The following SLC1A6 variants were observed in gnomAD, a reference collection of about 807,000 sequenced individuals.
SLC1A6 encodes solute carrier family 1 member 6, also known as excitatory amino acid transporter 4.
In SLC1A6, 15 loss-of-function variants were observed where a neutral mutation model predicts 42.1. The observed-to-expected ratio is 0.36, with a 90% CI of 0.24 to 0.55. The LOEUF (loss-of-function observed/expected upper bound fraction) is 0.55, where lower values mean the gene tolerates loss of function less well. Ranked by LOEUF, SLC1A6 falls within the 20% of genes least tolerant of loss-of-function variation. The pLI is 0.88. For missense variants in SLC1A6, 542 were observed against 772.5 expected (o/e 0.70, Z 3.54); for synonymous variants, 317 against 319.7 (o/e 0.99, Z 0.09).
At chr19:14,969,651 C>T (rs1279900822) in intron 3 of SLC1A6, among the ~76,000 whole-genome samples, 5 of 152,176 alleles carry the variant, frequency 3.3e-5, no homozygotes, top group African/African-American at 1.2e-4. Context: ...GCAGATATCC[C>T]CATCTCAGTC....
chr19:14,954,085 A>G, intron 8 of SLC1A6, 50 bp downstream of exon 8: 1 of 1,195,528 alleles, frequency 8.4e-7, no homozygotes, highest in Non-Finnish European at 1.2e-6. Flanking sequence ...AGCCAAGCTG[A>G]TGACCGCTTA....
chr19:14,958,952 G>A (rs376538796), intron 6 of SLC1A6, among the ~76,000 whole-genome samples: 88 of 152,188 alleles, frequency 5.8e-4, no homozygotes, highest in African/African-American at 2.0e-3. Context: ...GTAAAAGTTC[G>A]TCTTCAAAGT....
At chr19:14,978,058 C>T (rs746738842) in intron 1 of SLC1A6, 2 of 152,254 alleles carry the variant, frequency 1.3e-5, no homozygotes, top group Admixed American at 6.5e-5. Context: ...TCTCTCTTCT[C>T]CCCCACCCTG....
At chr19:14,984,902 G>C (rs565543990) in intron 1 of SLC1A6, among the ~76,000 whole-genome samples, 1 of 152,208 alleles carries the variant, frequency 6.6e-6, no homozygotes, top group South Asian at 2.1e-4. Flanking sequence ...TGTTTGTTTA[G>C]ATAGAGTCTC....
rs1415519304 is a variant in SLC1A6, at chr19:14,961,228, A to G, written c.935+774T>C. On this transcript the variant is annotated intron_variant, in intron 6 of 9. Coordinates refer to ENST00000594383, the MANE Select transcript of SLC1A6 (RefSeq NM_005071.3). ...TGCCTAGATCTTAAGTGTTCTCACCACAAAAAAATAAGCATGTGAGGTAAC... is the reference window on the plus strand; with the variant it reads ...TGCCTAGATCTTAAGTGTTCTCACCGCAAAAAAATAAGCATGTGAGGTAAC... 4 of 152,256 alleles carry G rather than the reference A, an allele frequency of 2.6e-5. No individual in the cohort carries two copies. The East Asian group carries it at 7.7e-4, about 29-fold the overall frequency. The allele number at this position is 152,256 out of a possible 1,614,324, so 9.4% of individuals were successfully genotyped here.
chr19:15,009,589 A>T (rs1048629227), intron 1 of SLC1A6, among the ~76,000 whole-genome samples: 2 of 152,042 alleles, frequency 1.3e-5, no homozygotes, highest in Non-Finnish European at 2.9e-5. Context: ...TGGAAAACAG[A>T]CATTGGAGGC....
chr19:14,959,943 G>C (rs930976518), intron 6 of SLC1A6, among the ~76,000 whole-genome samples: 1 of 152,132 alleles, frequency 6.6e-6, no homozygotes, highest in African/African-American at 2.4e-5. Flanking sequence ...ACCACCTTGT[G>C]TTATATTGAT....
At chr19:14,953,086 G>C in intron 8 of SLC1A6, 24 bp from the exon 9 acceptor site, 1 of 1,587,676 alleles carries the variant, frequency 6.3e-7, no homozygotes, top group South Asian at 1.1e-5. Context: ...GAGAACATGG[G>C]GAGCAGATGG....
intron 9 of SLC1A6, 91 bp from the exon 10 acceptor site, chr19:14,950,481 G>T: frequency 1.1e-6 from 1 of 894,344 alleles, no homozygotes; most frequent in Non-Finnish European, 1.7e-6. Context: ...CTGTGCCAGG[G>T]AGTCAGAGGG....
chr19:14,980,884 G>A (rs572475981), upstream of SLC1A6, among the ~76,000 whole-genome samples: 1 of 152,102 alleles, frequency 6.6e-6, no homozygotes, highest in Non-Finnish European at 1.5e-5. Context: ...GGAAACAGAT[G>A]CCCCAATTCT....
intron 1 of SLC1A6, among the ~76,000 whole-genome samples, chr19:15,006,785 G>A (rs886568630): frequency 5.3e-5 from 8 of 150,172 alleles, no homozygotes; most frequent in African/African-American, 2.0e-4. Flanking sequence ...AAAAAGAAAA[G>A]AAAAGAAAAT....
intron 1 of SLC1A6, among the ~76,000 whole-genome samples, chr19:14,994,471 G>A (rs2045835508): frequency 6.6e-6 from 1 of 152,052 alleles, no homozygotes; most frequent in African/African-American, 2.4e-5. Context: ...AATCCTGTAT[G>A]GTTTCTTTAC....
chr19:14,958,355 G>A (rs531192595), intron 6 of SLC1A6, among the ~76,000 whole-genome samples: 57 of 151,740 alleles, frequency 3.8e-4, no homozygotes, highest in African/African-American at 1.3e-3. Flanking sequence ...AGGTTGCAGT[G>A]AGCTGAGATC....
intron 9 of SLC1A6, 61 bp downstream of exon 9, chr19:14,952,867 G>T: frequency 6.4e-7 from 1 of 1,561,878 alleles, no homozygotes; most frequent in Non-Finnish European, 8.7e-7. Context: ...CGAGGACGTT[G>T]CAGGGGAAAG....
At chr19:14,950,686 C>G (rs1030203947) in intron 9 of SLC1A6, among the ~76,000 whole-genome samples, 16 of 152,152 alleles carry the variant, frequency 1.1e-4, no homozygotes, top group African/African-American at 3.6e-4. Flanking sequence ...AAGATATGAT[C>G]CCAGCACTTT....
intron 3 of SLC1A6, among the ~76,000 whole-genome samples, chr19:14,969,643 A>G (rs1332232744): frequency 6.6e-6 from 1 of 152,200 alleles, no homozygotes; most frequent in East Asian, 1.9e-4. Flanking sequence ...TCACCTGTGC[A>G]GATATCCCCA....
In SLC1A6 at chr19:14,956,511, T is replaced by C; in HGVS notation, c.1134A>G (p.Leu378=). ...TGCCCATAGCGGTGATGAGGGCTTG[T>C]AGCATGCCCCCAATGAAGGGGAAGG... ...RNPFPFIGGM[L]QALITAMGTS... Residue 378 remains leucine, a synonymous_variant, in exon 7 of 10, where the codon CTA becomes CTG. Transcript: ENST00000594383. The C allele has an allele frequency of 6.2e-7, 1 of 1,605,038 alleles. No individual in the cohort carries two copies. Among genetic ancestry groups the C allele is most frequent in the Non-Finnish European group, 8.5e-7 (1 of 1,175,044 alleles).
chr19:14,990,598 T>C (rs536930508), intron 1 of SLC1A6, among the ~76,000 whole-genome samples: 9 of 152,218 alleles, frequency 5.9e-5, no homozygotes, highest in African/African-American at 2.2e-4. Flanking sequence ...GGTGAAACCC[T>C]GTCTCTAGTA....
intron 1 of SLC1A6, among the ~76,000 whole-genome samples, chr19:15,004,737 T>G (rs2145244328): frequency 6.6e-6 from 1 of 152,236 alleles, no homozygotes; most frequent in African/African-American, 2.4e-5. Context: ...TTCATTATGT[T>G]TCCCATATTT....
Sources: gnomAD v4.1 joint callset for allele counts (sites outside exome capture counted in the v4.1 genomes callset) on GRCh38, gnomAD v4.1.1 for gene constraint, MANE v1.5 for transcripts, NCBI Gene and HGNC (gene_info 2026-07-23, HGNC 2026-07-21) for gene names.